The following FAM117A variants were observed in gnomAD, a reference collection of about 807,000 sequenced individuals.
The protein encoded by FAM117A is protein FAM117A.
In FAM117A, 21 loss-of-function variants were observed where a neutral mutation model predicts 44.1. That is an observed-to-expected ratio of 0.48 (90% CI 0.34 to 0.69). FAM117A has a LOEUF of 0.69. FAM117A is among the 30% of genes least tolerant of loss of function. FAM117A has a pLI of 0.01. For missense variants in FAM117A, 498 were observed against 589.9 expected (o/e 0.84, Z 1.61); for synonymous variants, 220 against 238.3 (o/e 0.92, Z 0.71).
At chr17:49,773,122 G>A (rs1460655417) in intron 1 of FAM117A, among the ~76,000 whole-genome samples, 1 of 152,088 alleles carries the variant, frequency 6.6e-6, no homozygotes, top group East Asian at 1.9e-4. Context: ...TGGCCAACAT[G>A]GTGAAACCCC....
intron 1 of FAM117A, among the ~76,000 whole-genome samples, chr17:49,740,396 C>T (rs2073628866): frequency 6.6e-6 from 1 of 151,946 alleles, no homozygotes; most frequent in African/African-American, 2.4e-5. Context: ...ACTACAGGCG[C>T]CCACCACCGC....
intron 1 of FAM117A, among the ~76,000 whole-genome samples, chr17:49,775,283 C>T (rs369130782): frequency 2.0e-5 from 3 of 152,278 alleles, no homozygotes; most frequent in South Asian, 2.1e-4. Context: ...CCACTGCGCC[C>T]GGCACTGTAA....
At chr17:49,757,640 C>G (rs1441344736) in intron 1 of FAM117A, among the ~76,000 whole-genome samples, 1 of 152,186 alleles carries the variant, frequency 6.6e-6, no homozygotes, top group East Asian at 1.9e-4. Context: ...CTCCACACGA[C>G]TGGAGAAAAT....
intron 2 of FAM117A, among the ~76,000 whole-genome samples, chr17:49,727,865 G>A (rs575500141): frequency 3.2e-4 from 48 of 152,326 alleles, no homozygotes; most frequent in Middle Eastern, 3.4e-3. Flanking sequence ...CCCTGGGAAC[G>A]TAACCCACTA....
chr17:49,716,299 G>A lies in FAM117A; in HGVS notation c.927C>T (p.His309=). 6.3e-7 allele frequency: 1 copy of A among 1,597,234 alleles called. No homozygotes were observed. The highest frequency in any genetic ancestry group is 8.5e-7 in the Non-Finnish European group (1 of 1,171,494). ...TPNDKASSPG[H]PAFLEDGSPS... The stretch of plus-strand genomic sequence containing the variant: ...GGCTGCCATCTTCAAGAAAGGCTGG[G>A]TGTCCTGGAGAGGAGGCTGTGAACA... Residue 309 remains histidine, a synonymous_variant, in exon 7 of 8, where the codon CAC becomes CAT. Transcript: ENST00000240364.
At chr17:49,764,590 G>C (rs748875624), upstream of FAM117A, among the ~76,000 whole-genome samples, 7 of 152,172 alleles carry the variant, frequency 4.6e-5, no homozygotes, top group Non-Finnish European at 7.3e-5. Context: ...TTGAGTCCCT[G>C]AATCACAGAG....
chr17:49,761,713 A>C (rs1347426475), intron 1 of FAM117A, among the ~76,000 whole-genome samples: 1 of 152,204 alleles, frequency 6.6e-6, no homozygotes, highest in East Asian at 1.9e-4. Flanking sequence ...GGTGCTTTCC[A>C]AGGCCAAGGA....
In FAM117A at chr17:49,781,925, GT is replaced by G. The variant is rs1252464639; in HGVS notation, c.-621+6571del. On this transcript the variant is annotated intron_variant, in intron 1 of 7. Transcript: ENST00000513602. The stretch of plus-strand genomic sequence containing the variant: ...CAGGAGGTTAAGTTTGCAGTGAGAG[GT>G]GATTGTGCCACTGCACTCCAGCCTG... Among the ~76,000 whole-genome samples the G allele has an allele frequency of 2.0e-5, 3 of 152,054 alleles. 1 individual carries two copies. The highest frequency in any genetic ancestry group is 2.1e-4 in the South Asian group (1 of 4,826).
intron 1 of FAM117A, among the ~76,000 whole-genome samples, chr17:49,756,916 C>CAAA (rs59004870): frequency 9.1e-6 from 1 of 109,948 alleles, no homozygotes; most frequent in Non-Finnish European, 2.0e-5. Flanking sequence ...GACTCTGCCT[C>CAAA]AAAAAAAAAA....
intron 2 of FAM117A, among the ~76,000 whole-genome samples, chr17:49,724,822 G>GAAAAAA (rs906558600): frequency 2.3e-5 from 1 of 43,590 alleles, no homozygotes; most frequent in Non-Finnish European, 5.5e-5. Context: ...ACAGTCTCAA[G>GAAAAAA]AAAAAAAAAA....
intron 1 of FAM117A, among the ~76,000 whole-genome samples, chr17:49,754,459 C>CA (rs544669332): frequency 2.0e-5 from 3 of 152,144 alleles, no homozygotes; most frequent in East Asian, 3.9e-4. Flanking sequence ...AGCCCACCAC[C>CA]ACGCCCGGCT....
chr17:49,772,769 A>G (rs1242763788), intron 1 of FAM117A, among the ~76,000 whole-genome samples: 1 of 152,096 alleles, frequency 6.6e-6, no homozygotes, highest in African/African-American at 2.4e-5. Context: ...AATCCAGTTC[A>G]AAGATATGAA....
chr17:49,718,809 C>T (rs1299565421), intron 5 of FAM117A, among the ~76,000 whole-genome samples: 1 of 150,194 alleles, frequency 6.7e-6, no homozygotes, highest in Non-Finnish European at 1.5e-5. Flanking sequence ...GGTGAAACCC[C>T]CTACTAAAAT....
intron 1 of FAM117A, among the ~76,000 whole-genome samples, chr17:49,773,727 A>G (rs923077451): frequency 3.3e-5 from 5 of 151,330 alleles, no homozygotes; most frequent in African/African-American, 1.2e-4. Context: ...TTTGTAGCCC[A>G]TAATAATTTT....
Position 49,732,395 on chromosome 17 carries a change from A to T in FAM117A, c.366+156T>A, listed in dbSNP as rs2073589298. ...ACTCCAGCCTGGGTGACAAAAGGAA[A>T]CTCTGTCTTAAGAAGATAAAACATT... On this transcript the variant is annotated intron_variant, in intron 2 of 7. Coordinates refer to ENST00000240364, the MANE Select transcript of FAM117A (RefSeq NM_030802.4). 1.7e-5 allele frequency: 12 copies of T among 692,042 alleles called. No individual in the cohort carries two copies. In the East Asian group the frequency reaches 3.5e-4, roughly 20 times the overall value. The allele number at this position is 692,042 out of a possible 1,614,324, so 42.9% of individuals were successfully genotyped here.
chr17:49,747,473 A>G (rs550601129), intron 1 of FAM117A, among the ~76,000 whole-genome samples: 4 of 152,144 alleles, frequency 2.6e-5, no homozygotes, highest in Admixed American at 2.0e-4. Context: ...GGGCACTTAT[A>G]AGGAACTATT....
At chr17:49,771,925 G>C (rs2073762055) in intron 1 of FAM117A, among the ~76,000 whole-genome samples, 1 of 152,088 alleles carries the variant, frequency 6.6e-6, no homozygotes. Context: ...ATATATCTTT[G>C]ACACTCTCCA....
At chr17:49,737,342 G>A (rs781544884) in intron 1 of FAM117A, among the ~76,000 whole-genome samples, 2 of 152,148 alleles carry the variant, frequency 1.3e-5, no homozygotes, top group African/African-American at 2.4e-5. Flanking sequence ...GCTGTCCTAC[G>A]GGCCTCCAAA....
At chr17:49,741,039 G>A (rs959911583) in intron 1 of FAM117A, among the ~76,000 whole-genome samples, 1 of 152,066 alleles carries the variant, frequency 6.6e-6, no homozygotes, top group Non-Finnish European at 1.5e-5. Context: ...TATCTTTGGG[G>A]TGATATAGGA....
Sources: gnomAD v4.1 joint callset for allele counts (sites outside exome capture counted in the v4.1 genomes callset) on GRCh38, gnomAD v4.1.1 for gene constraint, MANE v1.5 for transcripts, NCBI Gene and HGNC (gene_info 2026-07-23, HGNC 2026-07-21) for gene names.